EYS: variants seen among roughly 807,000 people sequenced by gnomAD.
EYS encodes the protein EGF-like photoreceptor maintenance factor.
A neutral mutation model predicts 282.1 loss-of-function variants in EYS; 250 were observed. The observed-to-expected ratio is 0.89, with a 90% CI of 0.80 to 0.98. The LOEUF (loss-of-function observed/expected upper bound fraction) is 0.98. Ranked by LOEUF, EYS falls within the 50% of genes least tolerant of loss-of-function variation. EYS has a pLI of 0.00. For synonymous variants in EYS, 1,355 were observed against 1,282.9 expected (o/e 1.06, Z -1.20); for missense variants, 4,016 against 3,709.0 (o/e 1.08, Z -2.15).
chr6:63,948,762 G>A (rs1403045369), intron 35 of EYS, among the ~76,000 whole-genome samples: 2 of 152,036 alleles, frequency 1.3e-5, no homozygotes, highest in Admixed American at 1.3e-4. Flanking sequence ...AGGTAATGAG[G>A]TTTAGGTTCT....
chr6:65,198,525 C>T (rs1765824411), intron 12 of EYS, among the ~76,000 whole-genome samples: 1 of 151,914 alleles, frequency 6.6e-6, no homozygotes, highest in African/African-American at 2.4e-5. Context: ...TGCATCACCA[C>T]AAACACACGA....
chr6:64,892,180 C>T (rs191769249), intron 18 of EYS, among the ~76,000 whole-genome samples: 2 of 151,906 alleles, frequency 1.3e-5, no homozygotes, highest in East Asian at 1.9e-4. Flanking sequence ...CCCAAATTAG[C>T]CACGATTACA....
At chr6:64,260,566 T>A (rs1343875637) in intron 30 of EYS, among the ~76,000 whole-genome samples, 1 of 152,086 alleles carries the variant, frequency 6.6e-6, no homozygotes, top group Non-Finnish European at 1.5e-5. Context: ...TAAACATCTA[T>A]ACTGATGATT....
At chr6:65,283,586 A>C (rs1290975489) in intron 12 of EYS, among the ~76,000 whole-genome samples, 1 of 151,998 alleles carries the variant, frequency 6.6e-6, no homozygotes, top group Non-Finnish European at 1.5e-5. Flanking sequence ...TACTGATTTT[A>C]ATGGAGATTA....
intron 31 of EYS, among the ~76,000 whole-genome samples, chr6:64,216,475 T>C (rs1220322159): frequency 6.6e-6 from 1 of 152,174 alleles, no homozygotes; most frequent in African/African-American, 2.4e-5. Flanking sequence ...AAGGATACTC[T>C]ACTGTTGAAT....
At chr6:64,416,658 A>G (rs908747090) in intron 28 of EYS, among the ~76,000 whole-genome samples, 1 of 152,154 alleles carries the variant, frequency 6.6e-6, no homozygotes, top group Non-Finnish European at 1.5e-5. Flanking sequence ...CTAAGTGCTA[A>G]GAAATTGGAG....
intron 31 of EYS, among the ~76,000 whole-genome samples, chr6:64,194,092 T>G (rs1420258072): frequency 6.6e-6 from 1 of 152,016 alleles, no homozygotes; most frequent in Non-Finnish European, 1.5e-5. Flanking sequence ...CAGGATAGTC[T>G]CGACCTTCTG....
At chr6:64,994,554 T>G (rs1771182712) in intron 14 of EYS, among the ~76,000 whole-genome samples, 1 of 152,046 alleles carries the variant, frequency 6.6e-6, no homozygotes, top group Admixed American at 6.6e-5. Context: ...CATCTTTCTG[T>G]TTTTTTAAGG....
chr6:64,613,217 C>T (rs1299915577), intron 24 of EYS, among the ~76,000 whole-genome samples: 3 of 152,006 alleles, frequency 2.0e-5, no homozygotes, highest in Non-Finnish European at 4.4e-5. Flanking sequence ...TGAACAATCC[C>T]ATAAAGCCTT....
At chr6:65,147,219 C>A (rs1319350450) in intron 12 of EYS, among the ~76,000 whole-genome samples, 3 of 151,930 alleles carry the variant, frequency 2.0e-5, no homozygotes, top group Admixed American at 1.3e-4. Context: ...AAGCACATGA[C>A]AAATATTTGT....
At chr6:64,288,101 CTTTCATGCA>C (rs1390589210) in intron 30 of EYS, among the ~76,000 whole-genome samples, 2 of 152,238 alleles carry the variant, frequency 1.3e-5, no homozygotes, top group East Asian at 3.9e-4. Flanking sequence ...AAAGCCAGTT[CTTTCATGCA>C]TTTCATGGAT....
At chr6:65,675,601 T>C (rs1240613745) in intron 1 of EYS, among the ~76,000 whole-genome samples, 2 of 151,834 alleles carry the variant, frequency 1.3e-5, no homozygotes, top group African/African-American at 4.8e-5. Context: ...CCCAAATATG[T>C]AAAGTAAAAT....
Position 63,864,220 on chromosome 6 carries a change from G to A in EYS, c.7194C>T (p.Cys2398=). The A allele has an allele frequency of 1.9e-6, 3 of 1,548,584 alleles. No individual in the cohort carries two copies. Among genetic ancestry groups the A allele is most frequent in the Non-Finnish European group, 2.6e-6 (3 of 1,144,988 alleles). ...AGAGGGGTCCAGACCTCCCATATGG[G>A]CAGAGGCAGACAATATCTGTTCCGG... ...PKSGTDIVCL[C]PYGRSGPLCT... is the part of the protein sequence containing the mutation. The change falls in exon 36 of 43, where the codon TGC becomes TGT. Residue 2398 remains cysteine (C), a synonymous_variant. Coordinates refer to ENST00000503581, the MANE Select transcript of EYS (RefSeq NM_001142800.2).
At chr6:64,471,661 A>G (rs188480565) in intron 26 of EYS, among the ~76,000 whole-genome samples, 6 of 152,310 alleles carry the variant, frequency 3.9e-5, no homozygotes, top group Admixed American at 3.9e-4. Flanking sequence ...CACACTTCTA[A>G]AAGCAATCTA....
At chr6:64,373,115 G>C (rs949791270) in intron 29 of EYS, among the ~76,000 whole-genome samples, 1 of 152,208 alleles carries the variant, frequency 6.6e-6, no homozygotes, top group Non-Finnish European at 1.5e-5. Flanking sequence ...TATTGTGGTT[G>C]TTTGGAGGTA....
At chr6:65,457,876 T>C (rs1277380504) in intron 5 of EYS, among the ~76,000 whole-genome samples, 1 of 152,158 alleles carries the variant, frequency 6.6e-6, no homozygotes, top group Non-Finnish European at 1.5e-5. Flanking sequence ...CCCACAGTAG[T>C]AGCCATTGAA....
intron 36 of EYS, among the ~76,000 whole-genome samples, chr6:63,858,066 G>A (rs893679401): frequency 2.0e-5 from 3 of 152,126 alleles, no homozygotes; most frequent in East Asian, 1.9e-4. Context: ...GGAAGAGGCC[G>A]ATGCATAAGG....
chr6:64,230,184 CA>C (rs1397347365), intron 31 of EYS, among the ~76,000 whole-genome samples: 1 of 152,000 alleles, frequency 6.6e-6, no homozygotes, highest in East Asian at 1.9e-4. Context: ...ACACTAAATT[CA>C]AATATGAGGA....
At chr6:65,338,347 T>G (rs1360973411) in intron 10 of EYS, among the ~76,000 whole-genome samples, 2 of 149,652 alleles carry the variant, frequency 1.3e-5, no homozygotes, top group Non-Finnish European at 3.0e-5. Flanking sequence ...TATAGAAACT[T>G]GAATCTGCCT....
Sources: gnomAD v4.1 joint callset for allele counts (sites outside exome capture counted in the v4.1 genomes callset) on GRCh38, gnomAD v4.1.1 for gene constraint, MANE v1.5 for transcripts, NCBI Gene and HGNC (gene_info 2026-07-23, HGNC 2026-07-21) for gene names.